SORCS2: variants seen among roughly 807,000 people sequenced by gnomAD.
SORCS2 encodes sortilin related VPS10 domain containing receptor 2.
SORCS2 carries 100 observed loss-of-function variants against 141.6 expected under a neutral mutation model. The observed-to-expected ratio is 0.71, with a 90% CI of 0.60 to 0.83. The LOEUF (loss-of-function observed/expected upper bound fraction) is 0.83, where lower values mean the gene tolerates loss of function less well. Ranked by LOEUF, SORCS2 falls within the 40% of genes least tolerant of loss-of-function variation. SORCS2 has a pLI of 0.00. For synonymous variants in SORCS2, 789 were observed against 676.9 expected (o/e 1.17, Z -2.57); for missense variants, 1,646 against 1,560.2 (o/e 1.05, Z -0.93).
chr4:7,724,844 ATGGTGGTAGTGGTGATGG>A (rs1184328493), intron 19 of SORCS2, among the ~76,000 whole-genome samples: 3 of 104,404 alleles, frequency 2.9e-5, no homozygotes, highest in Non-Finnish European at 3.8e-5. Flanking sequence ...GGTGGAGGTG[ATGGTGGTAGTGGTGATGG>A]TGGTGGTAGT....
chr4:7,643,879 A>G (rs1414180003), intron 4 of SORCS2, among the ~76,000 whole-genome samples: 1 of 152,126 alleles, frequency 6.6e-6, no homozygotes, highest in African/African-American at 2.4e-5. Flanking sequence ...TACCACGTTG[A>G]TGGCTCGCTC....
intron 1 of SORCS2, among the ~76,000 whole-genome samples, chr4:7,349,828 TC>T (rs1720837894): frequency 6.6e-6 from 1 of 152,186 alleles, no homozygotes; most frequent in Non-Finnish European, 1.5e-5. Context: ...GCTGTGAACT[TC>T]ACTCTAACTG....
chr4:7,291,520 A>T (rs1035702175), intron 1 of SORCS2, among the ~76,000 whole-genome samples: 1 of 152,068 alleles, frequency 6.6e-6, no homozygotes, highest in African/African-American at 2.4e-5. Context: ...GAGAGATCAC[A>T]TGGCGTTTTG....
intron 19 of SORCS2, among the ~76,000 whole-genome samples, chr4:7,724,594 G>GTGA (rs148473097): frequency 0.7 from 56,045 of 80,276 alleles, 16,400 homozygotes; most frequent in East Asian, 0.74. Context: ...GGTGGTGTTG[G>GTGA]TGATGGTGGT....
chr4:7,593,083 G>A (rs1266811304), intron 3 of SORCS2, among the ~76,000 whole-genome samples: 1 of 152,102 alleles, frequency 6.6e-6, no homozygotes, highest in African/African-American at 2.4e-5. Flanking sequence ...CTCACATATG[G>A]TGGCAGTCAG....
intron 1 of SORCS2, among the ~76,000 whole-genome samples, chr4:7,387,757 C>T (rs1723518337): frequency 1.5e-5 from 2 of 133,748 alleles, no homozygotes; most frequent in South Asian, 2.8e-4. Flanking sequence ...CACAGATACA[C>T]AGAAATACAC....
At position 7,648,031 on chromosome 4, in the gene SORCS2, G is replaced by A. The variant is rs1721190502; in HGVS notation, c.814-6103G>A. 6.6e-6 allele frequency among the ~76,000 whole-genome samples: 1 copy of A among 152,222 alleles called. No individual in the cohort carries two copies. Among genetic ancestry groups the A allele is most frequent in the Admixed American group, 6.5e-5 (1 of 15,278 alleles). Reference sequence around the variant, plus strand: ...ACTAGGGGAGGCAGGAGCAGCCGAGGTGGAGTGGGGAAGTGGGGTGGCCTG... The same window carrying A: ...ACTAGGGGAGGCAGGAGCAGCCGAGATGGAGTGGGGAAGTGGGGTGGCCTG... On this transcript the variant is annotated intron_variant, in intron 4 of 26. Coordinates refer to ENST00000507866, the MANE Select transcript of SORCS2 (RefSeq NM_020777.3). This position sits in a 1 kb window ranked among gnomAD's most constrained non-coding sequence, Gnocchi z 4.2.
In SORCS2 at chr4:7,244,705, T is replaced by C. The variant is rs187139308; in HGVS notation, c.480+51579T>C. ...GCCCCTACTCTGACACTCTCACCCA[T>C]TCCTACCCTGACTCCCACCTACCTC... On this transcript the variant is annotated intron_variant, in intron 1 of 26. Coordinates refer to ENST00000507866, the MANE Select transcript of SORCS2 (RefSeq NM_020777.3). Among the ~76,000 whole-genome samples, 1,165 of 152,274 alleles carry C rather than the reference T, an allele frequency of 7.7e-3. 13 individuals are homozygous for C. The highest frequency in any genetic ancestry group is 0.026 in the African/African-American group (1,100 of 41,542).
At chr4:7,609,146 G>T (rs1718244308) in intron 3 of SORCS2, among the ~76,000 whole-genome samples, 1 of 152,068 alleles carries the variant, frequency 6.6e-6, no homozygotes, top group Non-Finnish European at 1.5e-5. Context: ...TGGCTGTGTG[G>T]GCTTGGGCTC....
At chr4:7,535,606 G>A (rs552908495) in intron 3 of SORCS2, among the ~76,000 whole-genome samples, 14 of 152,344 alleles carry the variant, frequency 9.2e-5, no homozygotes, top group East Asian at 3.9e-4. Flanking sequence ...GGCCTGGCCC[G>A]AGGGAAGACC....
intron 3 of SORCS2, among the ~76,000 whole-genome samples, chr4:7,580,914 T>A (rs961110643): frequency 6.6e-6 from 1 of 152,118 alleles, no homozygotes; most frequent in Non-Finnish European, 1.5e-5. Context: ...ATAATAGATA[T>A]GCCCTGGGAT....
At chr4:7,282,802 A>AG (rs1224948867) in intron 1 of SORCS2, among the ~76,000 whole-genome samples, 1 of 152,144 alleles carries the variant, frequency 6.6e-6, no homozygotes, top group African/African-American at 2.4e-5. Context: ...TTCACACTCT[A>AG]GGGGGTCTTG....
At chr4:7,416,976 C>T (rs1448544008) in intron 2 of SORCS2, among the ~76,000 whole-genome samples, 2 of 152,186 alleles carry the variant, frequency 1.3e-5, no homozygotes, top group Non-Finnish European at 2.9e-5. Context: ...ACCCATGCCT[C>T]TGCCTGTGGT....
chr4:7,406,304 G>A (rs112896067), intron 2 of SORCS2, among the ~76,000 whole-genome samples: 1 of 150,114 alleles, frequency 6.7e-6, no homozygotes, highest in South Asian at 2.1e-4. Flanking sequence ...GTTTGAGTAG[G>A]ATTGGTATCA....
chr4:7,657,207 AC>A (rs1163857396), intron 5 of SORCS2, among the ~76,000 whole-genome samples: 3 of 152,266 alleles, frequency 2.0e-5, no homozygotes, highest in Non-Finnish European at 4.4e-5. Context: ...AGAGCAAGAG[AC>A]TAAAGGAACA....
At chr4:7,695,559 GAT>G (rs1560490032) in intron 11 of SORCS2, among the ~76,000 whole-genome samples, 12 of 6,414 alleles carry the variant, frequency 1.9e-3, no homozygotes, top group African/African-American at 6.5e-3. Context: ...TGGATGGATG[GAT>G]GCATGGATGG....
At chr4:7,569,727 G>A (rs1434935244) in intron 3 of SORCS2, among the ~76,000 whole-genome samples, 1 of 152,156 alleles carries the variant, frequency 6.6e-6, no homozygotes, top group Non-Finnish European at 1.5e-5. Context: ...ATGGGTGCAC[G>A]TCTTCTCTAC....
intron 1 of SORCS2, among the ~76,000 whole-genome samples, chr4:7,317,518 C>T (rs913947388): frequency 6.6e-6 from 1 of 152,250 alleles, no homozygotes; most frequent in South Asian, 2.1e-4. Context: ...CTCCTGAGCC[C>T]AGGTGGCCAC....
At chr4:7,618,452 G>GC (rs1718908469) in intron 3 of SORCS2, among the ~76,000 whole-genome samples, 1 of 152,070 alleles carries the variant, frequency 6.6e-6, no homozygotes, top group Non-Finnish European at 1.5e-5. Context: ...TCTGTTCAAG[G>GC]CCCCCAATGG....
Sources: allele counts gnomAD v4.1 joint callset (sites outside exome capture counted in the v4.1 genomes callset), GRCh38; gene constraint gnomAD v4.1.1; non-coding constraint Gnocchi (gnomAD v3.1); transcripts MANE v1.5; gene names NCBI Gene and HGNC (gene_info 2026-07-23, HGNC 2026-07-21).